Variants in OR3A2 observed in about 807,000 individuals in gnomAD.
The protein encoded by OR3A2 is olfactory receptor family 3 subfamily A member 2.
For synonymous variants in OR3A2, 126 were observed against 159.3 expected, an observed-to-expected ratio of 0.79 and a Z score of 1.57; for missense variants, 318 against 392.8, an observed-to-expected ratio of 0.81 and a Z score of 1.61.
At chr17:3,357,958 G>C (rs1294789262) in intron 2 of OR3A2, among the ~76,000 whole-genome samples, 2 of 151,574 alleles carry the variant, frequency 1.3e-5, no homozygotes, top group African/African-American at 4.9e-5. Flanking sequence ...GCAGAGATCA[G>C]AGTGGGGGTC....
intron 2 of OR3A2, among the ~76,000 whole-genome samples, chr17:3,357,074 G>A (rs2049470315): frequency 6.6e-6 from 1 of 151,730 alleles, no homozygotes; most frequent in Admixed American, 6.6e-5. Context: ...CAGCTCAAGA[G>A]TGCAACTGTT....
At chr17:3,362,010 C>G (rs2049521458) in intron 2 of OR3A2, among the ~76,000 whole-genome samples, 1 of 151,574 alleles carries the variant, frequency 6.6e-6, no homozygotes, top group Admixed American at 6.6e-5. Context: ...CTTCCTTGTA[C>G]CTCTGGTAGA....
At chr17:3,343,720 G>GT (rs961294697) in intron 2 of OR3A2, among the ~76,000 whole-genome samples, 2 of 152,152 alleles carry the variant, frequency 1.3e-5, no homozygotes, top group Non-Finnish European at 2.9e-5. Flanking sequence ...TTGAACAGGA[G>GT]TGTTCATTCA....
intron 2 of OR3A2, among the ~76,000 whole-genome samples, chr17:3,368,525 G>C (rs375457525): frequency 2.0e-5 from 3 of 152,100 alleles, no homozygotes; most frequent in East Asian, 3.9e-4. Flanking sequence ...TCGTTGCTTT[G>C]TCAAAGATCA....
chr17:3,326,372 A>G (rs959421306), intron 3 of OR3A2, among the ~76,000 whole-genome samples: 13 of 152,106 alleles, frequency 8.5e-5, no homozygotes, highest in African/African-American at 2.9e-4. Flanking sequence ...AAATCTAGGC[A>G]ATACCATTCA....
chr17:3,369,963 A>G (rs1384132266), intron 2 of OR3A2, among the ~76,000 whole-genome samples: 2 of 151,762 alleles, frequency 1.3e-5, no homozygotes, highest in Non-Finnish European at 2.9e-5. Context: ...GCCACCACGC[A>G]TGGCTAATTT....
chr17:3,325,591 G>T (rs2150638318), intron 3 of OR3A2, among the ~76,000 whole-genome samples: 1 of 151,838 alleles, frequency 6.6e-6, no homozygotes, highest in South Asian at 2.1e-4. Flanking sequence ...ATTTTCTTCT[G>T]AACTTTATAT....
At chr17:3,322,362 T>G (rs113281044) in intron 3 of OR3A2, among the ~76,000 whole-genome samples, 1 of 152,208 alleles carries the variant, frequency 6.6e-6, no homozygotes, top group African/African-American at 2.4e-5. Flanking sequence ...TTTTTGTGTC[T>G]CTATTTCCTT....
rs148379342 is a variant in OR3A2 at position 3,291,293 on chromosome 17, C to T, written c.-84-12140G>A. ...TTCTGGCGGGGAGTTTTCTGGGGTA[C>T]TTCTGGCAACTAAGGCTGTAACCAA... On this transcript the variant is annotated intron_variant, in intron 3 of 4. Transcript: ENST00000573491. 5.3e-3 allele frequency: 1,125 copies of T among 212,922 alleles called. 12 individuals are homozygous for T. The highest frequency in any genetic ancestry group is 0.02 in the African/African-American group (881 of 43,746). 13.2% of individuals were successfully genotyped at this position (212,922 alleles called of 1,614,324 possible). A position where few individuals can be genotyped will look rare whatever the true frequency, so the allele number is the denominator to read the frequency against.
upstream of OR3A2, among the ~76,000 whole-genome samples, chr17:3,289,026 G>T (rs1377026024): frequency 2.6e-5 from 4 of 152,140 alleles, no homozygotes; most frequent in Non-Finnish European, 5.9e-5. Context: ...TCACATGTAA[G>T]AATTATACTA....
At chr17:3,292,841 C>A (rs569337487) in intron 3 of OR3A2, among the ~76,000 whole-genome samples, 1 of 152,082 alleles carries the variant, frequency 6.6e-6, no homozygotes, top group Non-Finnish European at 1.5e-5. Context: ...ACCCGCCCCC[C>A]AGCTGCAAGA....
At position 3,340,643 on chromosome 17, in the gene OR3A2, T is replaced by G. The variant is rs183609950; in HGVS notation, c.-178-4517A>C. On this transcript the variant is annotated intron_variant, in intron 2 of 4. Coordinates refer to the OR3A2 transcript ENST00000573491. ...CTGTGGTCAGAGAGTTTGTTGTGAT[T>G]TCTGTCCTTTTACATTTGCTGAGGA... Among the ~76,000 whole-genome samples the G allele has an allele frequency of 3.2e-4, 48 of 152,346 alleles. No individual in the cohort carries two copies. The East Asian group carries it at 7.7e-3, about 24-fold the overall frequency.
At position 3,281,806 on chromosome 17, in the gene OR3A2, A is replaced by T. The variant is rs530465722; in HGVS notation, c.-7+2552T>A. ...TCGATTTCCAACTCTGTTAAATTAG[A>T]TTCTTAGTCCCCATGCTTATTGGAA... On this transcript the variant is annotated intron_variant, in intron 1 of 1. Coordinates refer to ENST00000642052, the Ensembl canonical transcript of OR3A2. Among the ~76,000 whole-genome samples, 5 of 152,308 alleles carry T rather than the reference A, an allele frequency of 3.3e-5. No homozygotes were observed. In the South Asian group the frequency reaches 8.3e-4, roughly 25 times the overall value.
At chr17:3,352,999 T>G (rs2049432562) in intron 2 of OR3A2, among the ~76,000 whole-genome samples, 1 of 151,726 alleles carries the variant, frequency 6.6e-6, no homozygotes, top group South Asian at 2.1e-4. Flanking sequence ...TTGTGGCTAC[T>G]GTATAGGGGA....
At chr17:3,382,750 C>T (rs2049748322) in intron 2 of OR3A2, among the ~76,000 whole-genome samples, 1 of 152,234 alleles carries the variant, frequency 6.6e-6, no homozygotes, top group Non-Finnish European at 1.5e-5. Flanking sequence ...ATCTGGTGGT[C>T]TCCTACTCAT....
chr17:3,347,060 C>T (rs969444188), intron 2 of OR3A2, among the ~76,000 whole-genome samples: 12 of 152,096 alleles, frequency 7.9e-5, no homozygotes, highest in South Asian at 2.1e-4. Flanking sequence ...TACGTAGCAG[C>T]GAGACTGCTG....
At chr17:3,333,421 T>G (rs2049255267) in intron 3 of OR3A2, among the ~76,000 whole-genome samples, 2 of 152,226 alleles carry the variant, frequency 1.3e-5, no homozygotes, top group Non-Finnish European at 2.9e-5. Flanking sequence ...CTTTGCCCTT[T>G]GCCTTGTGAT....
At chr17:3,344,846 C>A (rs1452332748) in intron 2 of OR3A2, among the ~76,000 whole-genome samples, 6 of 152,114 alleles carry the variant, frequency 3.9e-5, no homozygotes, top group Non-Finnish European at 8.8e-5. Flanking sequence ...TCATGCTGAG[C>A]CAACTGGAGG....
At chr17:3,347,157 T>A (rs545791971) in intron 2 of OR3A2, among the ~76,000 whole-genome samples, 1 of 152,208 alleles carries the variant, frequency 6.6e-6, no homozygotes, top group South Asian at 2.1e-4. Flanking sequence ...TTTCTACCAA[T>A]GGTGTATAAG....
Sources: gnomAD v4.1 joint callset for allele counts (sites outside exome capture counted in the v4.1 genomes callset) on GRCh38, gnomAD v4.1.1 for gene constraint, MANE v1.5 for transcripts, NCBI Gene and HGNC (gene_info 2026-07-23, HGNC 2026-07-21) for gene names.